Variants in COQ8A observed in about 807,000 individuals in gnomAD.
COQ8A encodes the protein atypical kinase COQ8A, mitochondrial.
A neutral mutation model predicts 65.0 loss-of-function variants in COQ8A; 51 were observed. The ratio of observed to expected loss-of-function variants is 0.78; its 90% CI spans 0.63 to 0.99. The LOEUF is 0.99. Ranked by LOEUF, COQ8A falls within the 50% of genes least tolerant of loss-of-function variation. COQ8A has a pLI of 0.00. For missense variants in COQ8A, 940 were observed against 875.0 expected, an observed-to-expected ratio of 1.07 and a Z score of -0.94; for synonymous variants, 371 against 353.2, an observed-to-expected ratio of 1.05 and a Z score of -0.57.
intron 4 of COQ8A, among the ~76,000 whole-genome samples, chr1:226,969,175 A>G (rs1254994449): frequency 6.6e-6 from 1 of 152,222 alleles, no homozygotes; most frequent in African/African-American, 2.4e-5. Flanking sequence ...TGGTTTGCTT[A>G]TTCAATAAGC....
Position 226,984,178 on chromosome 1 carries a change from G to A in COQ8A, c.1341G>A (p.Leu447=). The change falls in exon 11 of 15, where the codon CTG becomes CTA. Residue 447 remains leucine, a synonymous_variant. Coordinates refer to ENST00000366777, the MANE Select transcript of COQ8A (RefSeq NM_020247.5). ...GCCCACATGTGCTGACCACAGAGCT[G>A]GTGTCTGGCTTCCCCCTGGACCAGG... The part of the protein sequence containing the change: ...LCSPHVLTTE[L]VSGFPLDQAE... The A allele has an allele frequency of 6.2e-7, 1 of 1,613,864 alleles. No homozygotes were observed. The highest frequency in any genetic ancestry group is 8.5e-7 in the Non-Finnish European group (1 of 1,179,988).
chr1:226,970,093 C>G (rs1191100587), intron 4 of COQ8A, among the ~76,000 whole-genome samples: 1 of 152,164 alleles, frequency 6.6e-6, no homozygotes, highest in Non-Finnish European at 1.5e-5. Context: ...GCTGGAATTA[C>G]AGGTGTGTGC....
In COQ8A at chr1:226,972,215, G is replaced by T. The variant is rs910651363; in HGVS notation, c.656-5234G>T. 6.6e-5 allele frequency among the ~76,000 whole-genome samples: 10 copies of T among 152,066 alleles called. No homozygotes were observed. The highest frequency in any genetic ancestry group is 2.2e-4 in the African/African-American group (9 of 41,384). On this transcript the variant is annotated intron_variant, in intron 4 of 14. Coordinates refer to ENST00000366777, the MANE Select transcript of COQ8A (RefSeq NM_020247.5). The surrounding 1 kb of genome is among the most constrained non-coding windows in gnomAD (Gnocchi z 4.3). Reference sequence around the variant, plus strand: ...TGCATAGCTCTGTGGTGGTTCCTGGGGCCTTCACACAGGAACTTACAATCC... The same window carrying T: ...TGCATAGCTCTGTGGTGGTTCCTGGTGCCTTCACACAGGAACTTACAATCC...
At position 226,987,063 on chromosome 1, in the gene COQ8A, C is replaced by T. The variant is rs886046071; in HGVS notation, c.*326C>T. ...TTAAGCAGAAGGGAGAGAGTCCTTACTCCCTTCCAATCTCTGTTCAGTGCA... is the reference window on the plus strand; with the variant it reads ...TTAAGCAGAAGGGAGAGAGTCCTTATTCCCTTCCAATCTCTGTTCAGTGCA... On this transcript the variant is annotated 3_prime_UTR_variant, in exon 15 of 15. Transcript: ENST00000366777. 2 of 410,466 alleles carry T rather than the reference C, an allele frequency of 4.9e-6. No homozygotes were observed. The highest frequency in any genetic ancestry group is 9.1e-6 in the Non-Finnish European group (2 of 219,474). 25.4% of individuals were successfully genotyped at this position (410,466 alleles called of 1,614,324 possible).
Position 226,986,582 on chromosome 1 carries a change from C to A in COQ8A, c.1789C>A (p.His597Asn). 6.2e-7 allele frequency: 1 copy of A among 1,613,930 alleles called. No individual in the cohort carries two copies. Residue 597 changes from histidine to asparagine, a missense_variant, in exon 15 of 15, where the codon CAC (histidine) becomes AAC (asparagine). Coordinates refer to ENST00000366777, the MANE Select transcript of COQ8A (RefSeq NM_020247.5). ...CAACCTGATTCCCGTCATGCTGAGG[C>A]ACCGTCTCGTCCCCCCACCCGAGGA... The part of the protein sequence containing the change: ...IHNLIPVMLR[H>N]RLVPPPEETY...
chr1:226,971,448 A>T (rs1292039515), intron 4 of COQ8A, among the ~76,000 whole-genome samples: 2 of 151,914 alleles, frequency 1.3e-5, no homozygotes, highest in Non-Finnish European at 2.9e-5. Context: ...GCTACTTGGG[A>T]GGCTGAGGCA....
chr1:226,947,803 ATAT>A (rs760765717), intron 1 of COQ8A, among the ~76,000 whole-genome samples: 1 of 133,512 alleles, frequency 7.5e-6, no homozygotes, highest in African/African-American at 2.9e-5. Context: ...TCAAAAAAAT[ATAT>A]ATATATATAT....
chr1:226,949,332 G>C lies in COQ8A; in HGVS notation c.-10+8933G>C, dbSNP rs748015854. On this transcript the variant is annotated intron_variant, in intron 1 of 14. Transcript: ENST00000366777. This position sits in a 1 kb window ranked among gnomAD's most constrained non-coding sequence, Gnocchi z 4.0. Reference sequence around the variant, plus strand: ...TGAGCAACGCGTTGGCATGATGAACGTGGGTTTTTTTATAGGGAGAGGAAT... The same window carrying C: ...TGAGCAACGCGTTGGCATGATGAACCTGGGTTTTTTTATAGGGAGAGGAAT... Among the ~76,000 whole-genome samples the C allele has an allele frequency of 6.6e-6, 1 of 152,032 alleles. No individual in the cohort carries two copies. The highest frequency in any genetic ancestry group is 6.6e-5 in the Admixed American group (1 of 15,260).
intron 1 of COQ8A, among the ~76,000 whole-genome samples, chr1:226,944,827 G>A (rs1385057008): frequency 1.3e-5 from 2 of 150,868 alleles, no homozygotes; most frequent in African/African-American, 2.4e-5. Flanking sequence ...CAGGAAGGTA[G>A]GTGTTTCCGG....
chr1:226,984,978 T>C, intron 13 of COQ8A, 37 bp downstream of exon 13: 1 of 1,610,916 alleles, frequency 6.2e-7, no homozygotes, highest in East Asian at 2.2e-5. Context: ...GTCCATGTTT[T>C]TCTGAGGCTG....
intron 1 of COQ8A, among the ~76,000 whole-genome samples, chr1:226,951,872 A>C (rs1371253871): frequency 6.6e-6 from 1 of 152,176 alleles, no homozygotes; most frequent in East Asian, 1.9e-4. Flanking sequence ...GTTCCAATAA[A>C]ACTTTATTGA....
intron 4 of COQ8A, among the ~76,000 whole-genome samples, chr1:226,970,145 G>T (rs1466276368): frequency 6.6e-6 from 1 of 152,172 alleles, no homozygotes. Flanking sequence ...CGGAGACAGG[G>T]TTTTGCCATG....
chr1:226,982,107 C>A lies in COQ8A; in HGVS notation c.811C>A (p.Arg271Ser). 6.2e-7 allele frequency: 1 copy of A among 1,609,834 alleles called. No homozygotes were observed. Among genetic ancestry groups the A allele is most frequent in the Non-Finnish European group, 8.5e-7 (1 of 1,178,800 alleles). ...ERIVRTLCKVRGAALKLGQML... is the reference protein window; with the variant it reads ...ERIVRTLCKVSGAALKLGQML... ...GATCGTGCGCACGCTCTGCAAGGTG[C>A]GTGGTGCGGCACTCAAGCTGGGCCA... is the stretch of plus-strand genomic sequence containing the variant. The change falls in exon 6 of 15, where the codon CGT becomes AGT. Residue 271 changes from arginine (R) to serine (S), a missense_variant. Arg to Ser is a moderately radical substitution (Grantham distance 110, BLOSUM62 -1). Transcript: ENST00000366777.
chr1:226,977,563 C>T (rs752499190), intron 5 of COQ8A, 40 bp downstream of exon 5: 50 of 1,541,696 alleles, frequency 3.2e-5, no homozygotes, highest in Non-Finnish European at 4.2e-5. Flanking sequence ...GGGTGGGCCC[C>T]GGGAGGGTTG....
intron 4 of COQ8A, among the ~76,000 whole-genome samples, chr1:226,968,125 A>G (rs1658670884): frequency 6.6e-6 from 1 of 152,206 alleles, no homozygotes; most frequent in Non-Finnish European, 1.5e-5. Flanking sequence ...TGAGGTCAGG[A>G]GTTTGAGACC....
chr1:226,955,442 C>T (rs1043870384), intron 1 of COQ8A, among the ~76,000 whole-genome samples: 2 of 148,992 alleles, frequency 1.3e-5, no homozygotes, highest in Admixed American at 1.3e-4. Flanking sequence ...GGTTCACACT[C>T]TCCTTGGCTG....
intron 4 of COQ8A, among the ~76,000 whole-genome samples, chr1:226,973,767 T>G (rs932108868): frequency 6.6e-6 from 1 of 152,262 alleles, no homozygotes; most frequent in African/African-American, 2.4e-5. Flanking sequence ...GGAAGCCTCC[T>G]GGGCTGCTGC....
chr1:226,954,840 G>A (rs1225413649), intron 1 of COQ8A, among the ~76,000 whole-genome samples: 8 of 152,188 alleles, frequency 5.3e-5, no homozygotes, highest in Admixed American at 3.9e-4. Context: ...GCTGATATCC[G>A]ACTGGGGAGA....
chr1:226,985,171 T>C, intron 13 of COQ8A, 83 bp from the exon 14 acceptor site: 1 of 1,449,724 alleles, frequency 6.9e-7, no homozygotes, highest in Non-Finnish European at 9.6e-7. Context: ...TGGGGTGGGC[T>C]CGGGTGTGGC....
Sources: gnomAD v4.1 joint callset for allele counts (sites outside exome capture counted in the v4.1 genomes callset) on GRCh38, gnomAD v4.1.1 for gene constraint, Gnocchi (gnomAD v3.1) non-coding constraint, MANE v1.5 for transcripts, NCBI Gene and HGNC (gene_info 2026-07-23, HGNC 2026-07-21) for gene names.